TTN: variants seen among roughly 807,000 people sequenced by gnomAD.
The protein encoded by TTN is connectin.
TTN carries 1,525 observed loss-of-function variants against 3,223.0 expected under a neutral mutation model. The observed-to-expected ratio is 0.47, with a 90% CI of 0.45 to 0.49. The LOEUF (loss-of-function observed/expected upper bound fraction) is 0.49, where lower values mean the gene tolerates loss of function less well. Among genes scored for constraint, TTN ranks in the 20% least tolerant of loss-of-function variants. The probability of loss-of-function intolerance (pLI) is 0.00; values close to 1 mark genes in which losing one functional copy is unlikely to be tolerated. For missense variants in TTN, 40,786 were observed against 43,424.0 expected, an observed-to-expected ratio of 0.94 and a Z score of 5.40; for synonymous variants, 14,094 against 15,161.0, an observed-to-expected ratio of 0.93 and a Z score of 5.17.
chr2:178,785,774 G>T (rs777654724), intron 14 of TTN, 32 bp from the exon 15 acceptor site: 4 of 1,613,984 alleles, frequency 2.5e-6, no homozygotes, highest in South Asian at 1.1e-5. Context: ...TGATACCATT[G>T]ATCACCAGAT....
intron 17 of TTN, 149 bp downstream of exon 17, chr2:178,783,571 T>C: frequency 1.4e-6 from 1 of 702,580 alleles, no homozygotes; most frequent in East Asian, 2.9e-5. Context: ...AATATGGTCT[T>C]CCAGACCAAA....
Position 178,530,671 on chromosome 2 carries a change from T to G in TTN, c.105944A>C (p.Lys35315Thr). 6.2e-7 allele frequency: 1 copy of G among 1,613,998 alleles called. No individual in the cohort carries two copies. The highest frequency in any genetic ancestry group is 1.1e-5 in the South Asian group (1 of 91,086). Reference protein sequence around the residue: ...CVVESSVLRAKEVTWYKDGKK... With the variant: ...CVVESSVLRATEVTWYKDGKK... ...GCCATCTTTATACCAGGTGACCTCT[T>G]TTGCCCTTAATACACTGCTTTCAAC... Residue 35315 changes from lysine to threonine, a missense_variant, in exon 358 of 363, where the codon AAA (lysine) becomes ACA (threonine). Physicochemically the swap from Lys to Thr is moderately conservative, Grantham distance 78. Coordinates refer to ENST00000589042, the MANE Select transcript of TTN (RefSeq NM_001267550.2).
rs779395388 is a variant in TTN at position 178,592,442 on chromosome 2, A to T, written c.59563T>A (p.Tyr19855Asn). ...RNAAHEDGGIYSLTVENPAGS... is the reference protein window; with the variant it reads ...RNAAHEDGGINSLTVENPAGS... The stretch of plus-strand genomic sequence containing the variant: ...GCTGGATTCTCCACTGTTAAAGAAT[A>T]AATTCCACCATCTTCATGGGCAGCA... The change falls in exon 301 of 363, where the codon TAT (tyrosine) becomes AAT (asparagine). Residue 19855 changes from tyrosine (Y) to asparagine (N), a missense_variant. By Grantham distance (143) the Tyr-to-Asn change is moderately radical. Transcript: ENST00000589042. 4 of 1,613,498 alleles carry T rather than the reference A, an allele frequency of 2.5e-6. No homozygotes were observed. The highest frequency in any genetic ancestry group is 2.5e-6 in the Non-Finnish European group (3 of 1,179,608).
In TTN at chr2:178,715,115, T is replaced by C; in HGVS notation, c.26071A>G (p.Ile8691Val). The change falls in exon 90 of 363, where the codon ATA (isoleucine) becomes GTA (valine). Residue 8691 changes from isoleucine (I) to valine (V), a missense_variant. Transcript: ENST00000589042. ...RELRSGKKYK[I>V]MSENFLTSIH... ...CTGGTTAGGAAGTTCTCAGACATTA[T>C]CTTGTACTTCTTGCCGCTCCTAAGT... 1.2e-6 allele frequency: 2 copies of C among 1,613,744 alleles called. No individual in the cohort carries two copies. Among genetic ancestry groups the C allele is most frequent in the Non-Finnish European group, 1.7e-6 (2 of 1,179,714 alleles).
chr2:178,787,552 C>T (rs2093265123), intron 13 of TTN, among the ~76,000 whole-genome samples: 1 of 152,058 alleles, frequency 6.6e-6, no homozygotes, highest in African/African-American at 2.4e-5. Context: ...CACATTTCCA[C>T]TATATCTCAT....
chr2:178,799,313 G>T, intron 6 of TTN, 174 bp downstream of exon 6: 1 of 965,526 alleles, frequency 1.0e-6, no homozygotes, highest in East Asian at 2.7e-5. Flanking sequence ...GAGGAACACG[G>T]AGCCCCACAA....
intron 6 of TTN, among the ~76,000 whole-genome samples, chr2:178,796,969 C>A (rs916911350): frequency 6.6e-6 from 1 of 152,170 alleles, no homozygotes; most frequent in Non-Finnish European, 1.5e-5. Flanking sequence ...AGCAGTCTAT[C>A]TTTGATAACC....
In TTN at chr2:178,612,417, G is replaced by T. The variant is rs757138357; in HGVS notation, c.50108C>A (p.Thr16703Asn). The T allele has an allele frequency of 1.2e-6, 2 of 1,612,452 alleles. No individual in the cohort carries two copies. The highest frequency in any genetic ancestry group is 1.1e-5 in the South Asian group (1 of 91,036). ...TGTGCACTTGGTGTCCTTGACAGTGGTATCCACTGTTTGCCAGCCTTTTCG... is the reference window on the plus strand; with the variant it reads ...TGTGCACTTGGTGTCCTTGACAGTGTTATCCACTGTTTGCCAGCCTTTTCG... ...VRRKGWQTVD[T>N]TVKDTKCTVT... Residue 16703 changes from threonine to asparagine, a missense_variant, in exon 266 of 363, where the codon ACC (threonine) becomes AAC (asparagine). By Grantham distance (65) the Thr-to-Asn change is moderately conservative (BLOSUM62 0). Coordinates refer to ENST00000589042, the MANE Select transcript of TTN (RefSeq NM_001267550.2).
At chr2:178,611,711 C>T (rs748638483) in intron 268 of TTN, 34 bp from the exon 269 acceptor site, 13 of 1,612,032 alleles carry the variant, frequency 8.1e-6, no homozygotes, top group Non-Finnish European at 1.1e-5. Context: ...TATCCACAGT[C>T]TCATCAAGTT....
At chr2:178,752,928 A>T (rs2085943343) in intron 47 of TTN, among the ~76,000 whole-genome samples, 196 bp downstream of exon 47, 1 of 152,092 alleles carries the variant, frequency 6.6e-6, no homozygotes. Context: ...ATTAACTTAC[A>T]ATAAATTACT....
intron 223 of TTN, among the ~76,000 whole-genome samples, chr2:178,637,987 G>C (rs1305577187): frequency 1.3e-5 from 2 of 151,994 alleles, no homozygotes; most frequent in Non-Finnish European, 2.9e-5. Context: ...GACATTTAGA[G>C]TTTGATTCCA....
intron 50 of TTN, among the ~76,000 whole-genome samples, chr2:178,735,301 A>G (rs1182727651): frequency 6.6e-6 from 1 of 152,234 alleles, no homozygotes; most frequent in African/African-American, 2.4e-5. Flanking sequence ...TGTTAATAGC[A>G]GACAATTTAA....
In TTN at chr2:178,730,280, G is replaced by C. The variant is rs1347695257; in HGVS notation, c.18120C>G (p.Pro6040=). 1 of 1,612,638 alleles carries C rather than the reference G, an allele frequency of 6.2e-7. No homozygotes were observed. The highest frequency in any genetic ancestry group is 1.7e-5 in the Admixed American group (1 of 59,848). The stretch of plus-strand genomic sequence containing the variant: ...TATCTTTAAACCACTTTATTGTCAT[G>C]GGTGCAGTGCCACCCACAAGAGCCT... ...QLKALVGGTA[P]MTIKWFKDNK... is the part of the protein sequence containing the mutation. The change falls in exon 62 of 363, where the codon CCC becomes CCG. Residue 6040 remains proline (P), a synonymous_variant. Coordinates refer to ENST00000589042, the MANE Select transcript of TTN (RefSeq NM_001267550.2).
chr2:178,580,488 T>G lies in TTN; in HGVS notation c.66891A>C (p.Lys22297Asn), dbSNP rs1013098448. Residue 22297 changes from lysine to asparagine, a missense_variant, in exon 317 of 363, where the codon AAA becomes AAC. Lys to Asn is a moderately conservative substitution (Grantham distance 94). Coordinates refer to ENST00000589042, the MANE Select transcript of TTN (RefSeq NM_001267550.2). Reference sequence around the variant, plus strand: ...TCCTGTCTCTTAGATTGACATTTGGTTTAGACCAAGTAATCTTTGGAGGTG... The same window carrying G: ...TCCTGTCTCTTAGATTGACATTTGGGTTAGACCAAGTAATCTTTGGAGGTG... ...GRPPPKITWS[K>N]PNVNLRDRIG... 1 of 1,612,908 alleles carries G rather than the reference T, an allele frequency of 6.2e-7. No homozygotes were observed. Among genetic ancestry groups the G allele is most frequent in the African/African-American group, 1.3e-5 (1 of 74,868 alleles).
At chr2:178,763,271 A>C (rs1390279591) in intron 43 of TTN, among the ~76,000 whole-genome samples, 1 of 152,216 alleles carries the variant, frequency 6.6e-6, no homozygotes, top group Non-Finnish European at 1.5e-5. Flanking sequence ...GGCTGGTGGT[A>C]CTTGAGAAGC....
Position 178,731,948 on chromosome 2 carries a change from A to G in TTN, c.16927T>C (p.Phe5643Leu). The change falls in exon 58 of 363, where the codon TTT becomes CTT. Residue 5643 changes from phenylalanine to leucine, a missense_variant. Transcript: ENST00000589042. ...VKESPYFTKE[F>L]KPIEVLKEYD... ...TCCTTTAAGACTTCAATTGGCTTAA[A>G]TTCCTTGGTAAAATAAGGTGACTCT... 6.2e-7 allele frequency: 1 copy of G among 1,608,288 alleles called. No individual in the cohort carries two copies. The highest frequency in any genetic ancestry group is 8.5e-7 in the Non-Finnish European group (1 of 1,175,518).
Position 178,621,247 on chromosome 2 carries a change from CTT to C in TTN, c.45469_45470del (p.Lys15157AspfsTer3). The C allele has an allele frequency of 6.2e-7, 1 of 1,612,320 alleles. No individual in the cohort carries two copies. Among genetic ancestry groups the C allele is most frequent in the Non-Finnish European group, 8.5e-7 (1 of 1,179,110 alleles). ...CATATTTATCTCCAGATTCAAGTGT[CTT>C]ATCATCCCTCTTCCACTGGACTGGA... ...SFPVQWKRDD[K>X]TLESGDKYDV... On this transcript the variant is annotated frameshift_variant, in exon 246 of 363. Transcript: ENST00000589042. LOFTEE classifies it high-confidence loss of function.
intron 352 of TTN, 51 bp downstream of exon 352, chr2:178,539,331 A>G (rs1693253761): frequency 6.3e-7 from 1 of 1,594,906 alleles, no homozygotes; most frequent in Non-Finnish European, 8.6e-7. Flanking sequence ...ATTTAAAAAC[A>G]GAAAAGTGCT....
chr2:178,715,325 A>G, intron 89 of TTN, 61 bp from the exon 90 acceptor site: 2 of 1,525,580 alleles, frequency 1.3e-6, no homozygotes, highest in South Asian at 1.3e-5. Flanking sequence ...AAAAGTAAGA[A>G]TCAATCTTCC....
Sources: allele counts gnomAD v4.1 joint callset (sites outside exome capture counted in the v4.1 genomes callset), GRCh38; gene constraint gnomAD v4.1.1; transcripts MANE v1.5; gene names NCBI Gene and HGNC (gene_info 2026-07-23, HGNC 2026-07-21).